Variants in RNF13 observed in about 807,000 individuals in gnomAD.
RNF13 encodes ring finger protein 13, also known as E3 ubiquitin-protein ligase RNF13.
In RNF13, 19 loss-of-function variants were observed where a neutral mutation model predicts 37.7. The observed-to-expected ratio is 0.50, with a 90% CI of 0.35 to 0.74. RNF13 has a LOEUF of 0.74. Among genes scored for constraint, RNF13 ranks in the 30% least tolerant of loss-of-function variants. The pLI, the probability that RNF13 is intolerant of heterozygous loss-of-function variation, is 0.01. For synonymous variants in RNF13, 144 were observed against 157.8 expected (o/e 0.91, Z 0.65); for missense variants, 375 against 453.0 (o/e 0.83, Z 1.56).
rs781529522 is a variant in RNF13, at chr3:149,952,527, C to T, written c.701-7529C>T. ...AAGTTGGCTCTGGAAGGGTGTTGTACACCCTCATTTCCTAGTGGCCTGAAA... is the reference window on the plus strand; with the variant it reads ...AAGTTGGCTCTGGAAGGGTGTTGTATACCCTCATTTCCTAGTGGCCTGAAA... On this transcript the variant is annotated intron_variant, in intron 8 of 9. Coordinates refer to ENST00000392894, the MANE Select transcript of RNF13 (RefSeq NM_183381.3). Among the ~76,000 whole-genome samples the T allele has an allele frequency of 1.3e-3, 193 of 152,102 alleles. 1 individual carries two copies. The highest frequency in any genetic ancestry group is 6.8e-4 in the Non-Finnish European group (46 of 68,014).
At chr3:149,878,629 A>G (rs1713027262) in intron 4 of RNF13, among the ~76,000 whole-genome samples, 1 of 152,196 alleles carries the variant, frequency 6.6e-6, no homozygotes, top group South Asian at 2.1e-4. Context: ...CTATTGCTCC[A>G]TTCTCATCTG....
rs558705939 is a variant in RNF13, at chr3:149,930,068, G to A, written c.700+8841G>A. 1.4e-4 allele frequency among the ~76,000 whole-genome samples: 22 copies of A among 152,284 alleles called. No individual in the cohort carries two copies. In the South Asian group the frequency reaches 3.9e-3, roughly 27 times the overall value. ...AGCCTCCCATGTAGCTGGGAGCACA[G>A]GCATGTGCCACCATGCCTGTCTAAT... On this transcript the variant is annotated intron_variant, in intron 8 of 9. Coordinates refer to ENST00000392894, the MANE Select transcript of RNF13 (RefSeq NM_183381.3).
intron 1 of RNF13, among the ~76,000 whole-genome samples, chr3:149,816,437 C>A (rs1262186786): frequency 6.6e-6 from 1 of 151,880 alleles, no homozygotes; most frequent in Non-Finnish European, 1.5e-5. Context: ...TTAACTCCTT[C>A]CTTACTTGTT....
chr3:149,848,705 T>C (rs180840999), intron 2 of RNF13, among the ~76,000 whole-genome samples: 1 of 152,262 alleles, frequency 6.6e-6, no homozygotes, highest in Admixed American at 6.5e-5. Flanking sequence ...ATTTTTTGGT[T>C]GGTTGGTTGG....
At chr3:149,892,054 A>C (rs539595051) in intron 4 of RNF13, among the ~76,000 whole-genome samples, 1 of 152,348 alleles carries the variant, frequency 6.6e-6, no homozygotes, top group East Asian at 1.9e-4. Flanking sequence ...GATAAAAACA[A>C]CAACAAAAAC....
At chr3:149,909,963 A>AC (rs397771233) in intron 6 of RNF13, among the ~76,000 whole-genome samples, 1 of 151,380 alleles carries the variant, frequency 6.6e-6, no homozygotes, top group Non-Finnish European at 1.5e-5. Flanking sequence ...AAAAAAAAAA[A>AC]CAGAATATGA....
intron 2 of RNF13, among the ~76,000 whole-genome samples, chr3:149,848,350 G>A (rs973514074): frequency 6.6e-6 from 1 of 152,196 alleles, no homozygotes; most frequent in Non-Finnish European, 1.5e-5. Flanking sequence ...TCTCTATGCT[G>A]TCCATAAGGA....
intron 1 of RNF13, among the ~76,000 whole-genome samples, chr3:149,821,428 C>T (rs1719986879): frequency 2.0e-5 from 3 of 152,134 alleles, no homozygotes; most frequent in Admixed American, 2.0e-4. Context: ...TGATTTTAAG[C>T]ATCTTTTCAT....
intron 4 of RNF13, among the ~76,000 whole-genome samples, chr3:149,877,650 C>T (rs868135331): frequency 3.3e-5 from 5 of 151,766 alleles, no homozygotes; most frequent in Admixed American, 2.0e-4. Context: ...CAAGTAGATA[C>T]GACCTTAAGT....
chr3:149,919,174 A>C (rs1287608579), intron 7 of RNF13, among the ~76,000 whole-genome samples: 1 of 152,188 alleles, frequency 6.6e-6, no homozygotes, highest in Non-Finnish European at 1.5e-5. Flanking sequence ...GATATAATAA[A>C]TTACACATAT....
chr3:149,817,449 C>T (rs1287588797), intron 1 of RNF13: 1 of 152,140 alleles, frequency 6.6e-6, no homozygotes. Flanking sequence ...TGTGTGGTAC[C>T]AGGCATTTAT....
At chr3:149,959,978 C>T in intron 8 of RNF13, 78 bp from the exon 9 acceptor site, 1 of 893,032 alleles carries the variant, frequency 1.1e-6, no homozygotes, top group East Asian at 2.5e-5. Context: ...ATAAATACAT[C>T]AAAAGGCAGT....
chr3:149,836,425 GC>G (rs1644878943), intron 1 of RNF13, among the ~76,000 whole-genome samples: 1 of 151,814 alleles, frequency 6.6e-6, no homozygotes, highest in Non-Finnish European at 1.5e-5. Context: ...TTTTAGTATG[GC>G]TATATGTATA....
intron 8 of RNF13, among the ~76,000 whole-genome samples, chr3:149,935,969 A>G (rs1309857939): frequency 1.3e-5 from 2 of 151,234 alleles, no homozygotes; most frequent in African/African-American, 4.9e-5. Context: ...AGAAGTCATT[A>G]TCTCTCATTT....
chr3:149,954,200 A>G (rs2108608795), intron 8 of RNF13, among the ~76,000 whole-genome samples: 1 of 146,964 alleles, frequency 6.8e-6, no homozygotes, highest in Middle Eastern at 3.6e-3. Context: ...CAGATGTTAG[A>G]AAAAAAAAAA....
chr3:149,815,770 T>C (rs1719377947), intron 1 of RNF13, among the ~76,000 whole-genome samples: 1 of 152,214 alleles, frequency 6.6e-6, no homozygotes. Context: ...TTATATAGCA[T>C]AGTATATCAA....
intron 7 of RNF13, among the ~76,000 whole-genome samples, chr3:149,914,283 G>C (rs1003711846): frequency 6.6e-6 from 1 of 151,816 alleles, no homozygotes; most frequent in Admixed American, 6.6e-5. Context: ...CCCAGCCCTA[G>C]CATCAGACCT....
intron 4 of RNF13, among the ~76,000 whole-genome samples, chr3:149,874,080 A>T (rs1295155745): frequency 6.6e-6 from 1 of 152,200 alleles, no homozygotes; most frequent in African/African-American, 2.4e-5. Context: ...TGTTAAAAAA[A>T]TTCTCATTGT....
At chr3:149,838,875 T>C (rs1267564299) in intron 1 of RNF13, among the ~76,000 whole-genome samples, 1 of 140,204 alleles carries the variant, frequency 7.1e-6, no homozygotes, top group Non-Finnish European at 1.5e-5. Flanking sequence ...CTGCAAGTTT[T>C]CTGAACTTTT....
Sources: gnomAD v4.1 joint callset for allele counts (sites outside exome capture counted in the v4.1 genomes callset) on GRCh38, gnomAD v4.1.1 for gene constraint, MANE v1.5 for transcripts, NCBI Gene and HGNC (gene_info 2026-07-23, HGNC 2026-07-21) for gene names.